The following ARHGAP25 variants were observed in gnomAD, a reference collection of about 807,000 sequenced individuals.
ARHGAP25 encodes the protein rho GTPase-activating protein 25.
A neutral mutation model predicts 71.0 loss-of-function variants in ARHGAP25; 34 were observed. The ratio of observed to expected loss-of-function variants is 0.48; its 90% confidence interval spans 0.36 to 0.64. ARHGAP25 has a LOEUF of 0.64. Ranked by LOEUF, ARHGAP25 falls within the 30% of genes least tolerant of loss-of-function variation. The probability of loss-of-function intolerance (pLI) is 0.00; values close to 1 mark genes in which losing one functional copy is unlikely to be tolerated. For missense variants in ARHGAP25, 706 were observed against 805.1 expected (o/e 0.88, Z 1.49); for synonymous variants, 282 against 296.5 (o/e 0.95, Z 0.50).
intron 10 of ARHGAP25, among the ~76,000 whole-genome samples, chr2:68,825,487 T>A (rs532518325): frequency 1.3e-5 from 2 of 151,888 alleles, no homozygotes; most frequent in African/African-American, 4.8e-5. Context: ...ATGAGGGGGC[T>A]GGGTGTGGTG....
intron 2 of ARHGAP25, among the ~76,000 whole-genome samples, chr2:68,776,947 C>T (rs980142803): frequency 3.3e-5 from 5 of 152,122 alleles, no homozygotes; most frequent in African/African-American, 1.2e-4. Flanking sequence ...TGCACATCAG[C>T]AGGACTTGGT....
chr2:68,732,844 A>C (rs1190841014), upstream of ARHGAP25, among the ~76,000 whole-genome samples: 1 of 152,224 alleles, frequency 6.6e-6, no homozygotes, highest in African/African-American at 2.4e-5. Context: ...TGAAGACAGG[A>C]GTATACACCA....
Position 68,810,492 on chromosome 2 carries a change from G to A in ARHGAP25, c.675-2795G>A, listed in dbSNP as rs529424115. On this transcript the variant is annotated intron_variant, in intron 5 of 10. Transcript: ENST00000409202. ...TTGTCAGGATTATTTTTGGTGAAAT[G>A]AACTGGGAAGCTTTCTGTAAGTTTC... 3.9e-5 allele frequency among the ~76,000 whole-genome samples: 6 copies of A among 152,282 alleles called. No individual in the cohort carries two copies. The South Asian group carries it at 6.2e-4, about 16-fold the overall frequency.
chr2:68,751,180 C>T lies in ARHGAP25; in HGVS notation c.61+15920C>T, dbSNP rs76360817. ...AGGGGTTAAAGGATGCTCATCCTCA[C>T]GCTGAGCCCAGGGAGGGTGCAGGAC... On this transcript the variant is annotated intron_variant, in intron 1 of 10. Transcript: ENST00000409202. 9.3e-3 allele frequency among the ~76,000 whole-genome samples: 1,409 copies of T among 152,298 alleles called. 21 individuals carry two copies. Among genetic ancestry groups the T allele is most frequent in the African/African-American group, 0.032 (1,340 of 41,542 alleles).
At chr2:68,812,168 A>T (rs1680874101) in intron 5 of ARHGAP25, among the ~76,000 whole-genome samples, 1 of 152,248 alleles carries the variant, frequency 6.6e-6, no homozygotes, top group Non-Finnish European at 1.5e-5. Flanking sequence ...CAGTACATAA[A>T]TGAACAAGTG....
intron 5 of ARHGAP25, among the ~76,000 whole-genome samples, chr2:68,812,567 C>G (rs1166254089): frequency 6.6e-6 from 1 of 152,244 alleles, no homozygotes; most frequent in Admixed American, 6.5e-5. Flanking sequence ...GTGTTCCCAT[C>G]TCTGCCTTGG....
At chr2:68,729,201 G>A (rs1674951134) in intron 2 of ARHGAP25, among the ~76,000 whole-genome samples, 1 of 152,152 alleles carries the variant, frequency 6.6e-6, no homozygotes, top group Non-Finnish European at 1.5e-5. Flanking sequence ...AACTCTGAAT[G>A]TACTAGATCA....
At chr2:68,715,412 A>G (rs1674585441) in intron 2 of ARHGAP25, among the ~76,000 whole-genome samples, 1 of 152,110 alleles carries the variant, frequency 6.6e-6, no homozygotes, top group South Asian at 2.1e-4. Flanking sequence ...ACCAACAACA[A>G]CAAAGAGACA....
At chr2:68,742,025 C>G (rs1675543146) in intron 1 of ARHGAP25, among the ~76,000 whole-genome samples, 1 of 152,216 alleles carries the variant, frequency 6.6e-6, no homozygotes, top group Non-Finnish European at 1.5e-5. Context: ...CTCCACCTTT[C>G]TAAAAGTGAT....
chr2:68,782,482 T>C (rs1055057880), intron 3 of ARHGAP25, among the ~76,000 whole-genome samples, 162 bp downstream of exon 3: 2 of 152,200 alleles, frequency 1.3e-5, no homozygotes, highest in African/African-American at 4.8e-5. Flanking sequence ...AATGAAGCTA[T>C]TGTAGTTTAT....
chr2:68,787,417 A>C (rs916410254), intron 3 of ARHGAP25, among the ~76,000 whole-genome samples: 1 of 152,174 alleles, frequency 6.6e-6, no homozygotes, highest in South Asian at 2.1e-4. Flanking sequence ...GTCATCTCCT[A>C]CCCTACCCCC....
At chr2:68,749,415 C>T (rs1676027304) in intron 1 of ARHGAP25, among the ~76,000 whole-genome samples, 1 of 152,184 alleles carries the variant, frequency 6.6e-6, no homozygotes, top group South Asian at 2.1e-4. Context: ...TCAGTCCTGT[C>T]CACCTCCTAC....
In ARHGAP25 at chr2:68,720,964, G is replaced by A. The variant is rs868084841; in HGVS notation, c.-18+10266G>A. Among the ~76,000 whole-genome samples, 11 of 152,288 alleles carry A rather than the reference G, an allele frequency of 7.2e-5. 1 individual carries two copies. The highest frequency in any genetic ancestry group is 2.2e-4 in the African/African-American group (9 of 41,566). On this transcript the variant is annotated intron_variant and NMD_transcript_variant, in intron 2 of 7. Coordinates refer to the ARHGAP25 transcript ENST00000463483. ...GTACTCACAGATGTGGCTGAACGCA[G>A]AAACACTCAAAGCACCCCCAGACTC...
Position 68,713,007 on chromosome 2 carries a change from C to T in ARHGAP25, c.-18+2309C>T, listed in dbSNP as rs562291151. Among the ~76,000 whole-genome samples, 6 of 152,244 alleles carry T rather than the reference C, an allele frequency of 3.9e-5. No homozygotes were observed. The South Asian group carries it at 8.3e-4, about 21-fold the overall frequency. ...GGCTATACAGGCTCTTTTTTCATTC[C>T]ATATGAAATTCAAAGTAGTTTTTTC... On this transcript the variant is annotated intron_variant and NMD_transcript_variant, in intron 2 of 7. Transcript: ENST00000463483.
intron 1 of ARHGAP25, among the ~76,000 whole-genome samples, chr2:68,740,204 C>T (rs1009960045): frequency 1.3e-5 from 2 of 152,148 alleles, no homozygotes; most frequent in African/African-American, 4.8e-5. Context: ...TCTGGCCCCA[C>T]CACCCCTGTT....
intron 10 of ARHGAP25, among the ~76,000 whole-genome samples, chr2:68,823,456 G>A (rs551646099): frequency 2.6e-5 from 4 of 152,314 alleles, no homozygotes; most frequent in African/African-American, 4.8e-5. Flanking sequence ...GAAGGCCTCC[G>A]TGAGAAGGCA....
chr2:68,762,168 G>T (rs1019334616), intron 1 of ARHGAP25, among the ~76,000 whole-genome samples: 2 of 152,180 alleles, frequency 1.3e-5, no homozygotes, highest in Non-Finnish European at 2.9e-5. Context: ...CTTATGTGAG[G>T]TGCTTAGAGG....
intron 1 of ARHGAP25, among the ~76,000 whole-genome samples, chr2:68,747,512 C>A (rs1375336825): frequency 6.6e-6 from 1 of 152,098 alleles, no homozygotes; most frequent in Admixed American, 6.6e-5. Context: ...CCCCCGTCCT[C>A]TTCCGTTTAT....
intron 3 of ARHGAP25, among the ~76,000 whole-genome samples, chr2:68,784,022 C>T (rs10202102): frequency 0.4 from 60,979 of 151,960 alleles, 12,666 homozygotes; most frequent in Non-Finnish European, 0.43. Context: ...GTGGGCTTTG[C>T]ACCAAAAATA....
Sources: gnomAD v4.1 joint callset for allele counts (sites outside exome capture counted in the v4.1 genomes callset) on GRCh38, gnomAD v4.1.1 for gene constraint, MANE v1.5 for transcripts, NCBI Gene and HGNC (gene_info 2026-07-23, HGNC 2026-07-21) for gene names.